The following ST6GALNAC3 variants were observed in gnomAD, a reference collection of about 807,000 sequenced individuals.
ST6GALNAC3 encodes the protein alpha-N-acetylgalactosaminide alpha-2,6-sialyltransferase 3.
In ST6GALNAC3, 25 loss-of-function variants were observed where a neutral mutation model predicts 32.7. The observed-to-expected ratio is 0.76, with a 90% CI of 0.56 to 1.07. The LOEUF is 1.07. Ranked by LOEUF, ST6GALNAC3 falls within the 50% of genes least tolerant of loss-of-function variation. The probability of loss-of-function intolerance (pLI) is 0.00; values close to 1 mark genes in which losing one functional copy is unlikely to be tolerated. For synonymous variants in ST6GALNAC3, 129 were observed against 133.1 expected, an observed-to-expected ratio of 0.97 and a Z score of 0.21; for missense variants, 355 against 382.4, an observed-to-expected ratio of 0.93 and a Z score of 0.60.
In ST6GALNAC3 at chr1:76,631,104, T is replaced by C; in HGVS notation, c.*2298T>C. The C allele has an allele frequency of 1.2e-6, 1 of 849,094 alleles. No individual in the cohort carries two copies. The highest frequency in any genetic ancestry group is 1.4e-6 in the Non-Finnish European group (1 of 705,720). 52.6% of individuals were successfully genotyped at this position (849,094 alleles called of 1,614,324 possible). On this transcript the variant is annotated 3_prime_UTR_variant, in exon 5 of 5. Coordinates refer to ENST00000328299, the MANE Select transcript of ST6GALNAC3 (RefSeq NM_152996.4). The stretch of plus-strand genomic sequence containing the variant: ...CTCTGATGAAGACTTCTGCAGTATA[T>C]TGTATCCCTCACTCTATAGCAGAAG...
chr1:76,113,034 C>T (rs2100811967), intron 1 of ST6GALNAC3, among the ~76,000 whole-genome samples: 1 of 152,304 alleles, frequency 6.6e-6, no homozygotes, highest in African/African-American at 2.4e-5. Context: ...CCACTGCACT[C>T]CAGCCTGGGC....
rs11804346 is a variant in ST6GALNAC3 at position 76,472,765 on chromosome 1, C to T, written c.623+60348C>T. Among the ~76,000 whole-genome samples, 313 of 152,124 alleles carry T rather than the reference C, an allele frequency of 2.1e-3. 3 individuals are homozygous for T. Among genetic ancestry groups the T allele is most frequent in the African/African-American group, 7.1e-3 (294 of 41,482 alleles). Reference sequence around the variant, plus strand: ...AAAATTAGCTGTTGTTTTTGGTGCACGTGCGAAGACAGCAAGTTGAGACTA... The same window carrying T: ...AAAATTAGCTGTTGTTTTTGGTGCATGTGCGAAGACAGCAAGTTGAGACTA... On this transcript the variant is annotated intron_variant, in intron 3 of 4. Transcript: ENST00000328299.
intron 1 of ST6GALNAC3, chr1:76,309,928 CT>C (rs1646724798): frequency 4.2e-6 from 2 of 471,844 alleles, no homozygotes; most frequent in Non-Finnish European, 8.5e-6. Context: ...CTATTTCATC[CT>C]GTTTTGAAAT....
At chr1:76,193,156 G>T (rs1477222502) in intron 1 of ST6GALNAC3, among the ~76,000 whole-genome samples, 5 of 152,160 alleles carry the variant, frequency 3.3e-5, no homozygotes, top group East Asian at 1.9e-4. Context: ...TCTACCCTGT[G>T]TAGGGTCCAC....
chr1:76,310,984 T>A (rs1646750697), intron 1 of ST6GALNAC3, among the ~76,000 whole-genome samples: 1 of 152,166 alleles, frequency 6.6e-6, no homozygotes, highest in African/African-American at 2.4e-5. Context: ...CCCATAATAT[T>A]GCCGTCACAT....
chr1:76,220,038 G>T (rs182124776), intron 1 of ST6GALNAC3, among the ~76,000 whole-genome samples: 352 of 152,246 alleles, frequency 2.3e-3, no homozygotes, highest in Non-Finnish European at 3.8e-3. Flanking sequence ...GCTTGAAAAT[G>T]TGTAATGGCA....
chr1:76,374,176 T>C lies in ST6GALNAC3; in HGVS notation c.214-37832T>C, dbSNP rs532641394. On this transcript the variant is annotated intron_variant, in intron 2 of 4. Transcript: ENST00000328299. ...TAGGGCTTTTTATCTTCAAAAGGCC[T>C]TGCAAACATTAGCTAATTAAGAAGT... is the stretch of plus-strand genomic sequence containing the variant. Among the ~76,000 whole-genome samples, 6 of 152,320 alleles carry C rather than the reference T, an allele frequency of 3.9e-5. No individual in the cohort carries two copies. The South Asian group carries it at 1.0e-3, about 26-fold the overall frequency.
intron 3 of ST6GALNAC3, among the ~76,000 whole-genome samples, chr1:76,457,910 T>C (rs1657961740): frequency 1.3e-5 from 2 of 150,686 alleles, no homozygotes; most frequent in Admixed American, 6.6e-5. Context: ...AAAGAGCTTC[T>C]GCACAGCAAA....
chr1:76,587,821 G>T (rs749221543), intron 3 of ST6GALNAC3, among the ~76,000 whole-genome samples: 7 of 152,180 alleles, frequency 4.6e-5, no homozygotes, highest in African/African-American at 1.4e-4. Flanking sequence ...CTGAAGGCTG[G>T]GATTGGTGAG....
At chr1:76,517,283 A>G (rs1662229923) in intron 3 of ST6GALNAC3, among the ~76,000 whole-genome samples, 2 of 151,822 alleles carry the variant, frequency 1.3e-5, no homozygotes, top group South Asian at 4.1e-4. Flanking sequence ...TTCATTTTTA[A>G]TATAGATCTT....
At chr1:76,138,153 A>C (rs187034447) in intron 1 of ST6GALNAC3, among the ~76,000 whole-genome samples, 42 of 152,324 alleles carry the variant, frequency 2.8e-4, no homozygotes, top group African/African-American at 9.1e-4. Context: ...TGCATTCTGA[A>C]GTCTCTGAAT....
chr1:76,176,113 T>A (rs767074981), intron 1 of ST6GALNAC3, among the ~76,000 whole-genome samples: 19 of 152,186 alleles, frequency 1.2e-4, no homozygotes, highest in Non-Finnish European at 2.4e-4. Context: ...AGATATGTGG[T>A]TTGTGGCTTG....
At chr1:76,384,174 G>C (rs1651923421) in intron 2 of ST6GALNAC3, among the ~76,000 whole-genome samples, 1 of 151,904 alleles carries the variant, frequency 6.6e-6, no homozygotes, top group African/African-American at 2.4e-5. Context: ...GGCACAGAAA[G>C]GTTAAAAATA....
intron 2 of ST6GALNAC3, among the ~76,000 whole-genome samples, chr1:76,367,487 G>T (rs1020937900): frequency 6.6e-6 from 1 of 152,128 alleles, no homozygotes; most frequent in African/African-American, 2.4e-5. Flanking sequence ...TTACAGGAGG[G>T]TAGGGGAGAA....
chr1:76,361,122 C>T (rs1342827783), intron 2 of ST6GALNAC3, among the ~76,000 whole-genome samples: 2 of 151,794 alleles, frequency 1.3e-5, no homozygotes, highest in Non-Finnish European at 2.9e-5. Flanking sequence ...CTTAAGTGTA[C>T]AGTTCAGTAG....
chr1:76,216,005 G>A (rs1438887709), intron 1 of ST6GALNAC3, among the ~76,000 whole-genome samples: 2 of 152,126 alleles, frequency 1.3e-5, no homozygotes, highest in African/African-American at 4.8e-5. Context: ...ACTTCCAGAA[G>A]GTTTCTTTTC....
chr1:76,079,037 C>G (rs1646854726), intron 1 of ST6GALNAC3, among the ~76,000 whole-genome samples: 1 of 152,156 alleles, frequency 6.6e-6, no homozygotes, highest in Admixed American at 6.5e-5. Flanking sequence ...GTGCCTTGGC[C>G]TCCCAAAGTG....
chr1:76,521,410 G>A (rs1444537693), intron 3 of ST6GALNAC3, among the ~76,000 whole-genome samples: 2 of 152,012 alleles, frequency 1.3e-5, no homozygotes, highest in Non-Finnish European at 1.5e-5. Context: ...GCCTCACTAT[G>A]TTGCTAAGTG....
At chr1:76,542,465 A>G (rs1664047930) in intron 3 of ST6GALNAC3, among the ~76,000 whole-genome samples, 2 of 152,118 alleles carry the variant, frequency 1.3e-5, no homozygotes, top group African/African-American at 2.4e-5. Context: ...TAATTTAAGA[A>G]ATTGCCTGGT....
Sources: gnomAD v4.1 joint callset for allele counts (sites outside exome capture counted in the v4.1 genomes callset) on GRCh38, gnomAD v4.1.1 for gene constraint, MANE v1.5 for transcripts, NCBI Gene and HGNC (gene_info 2026-07-23, HGNC 2026-07-21) for gene names.